Variants in THADA observed in about 807,000 individuals in gnomAD.
THADA encodes tRNA (32-2'-O)-methyltransferase regulator THADA.
THADA carries 213 observed loss-of-function variants against 219.8 expected under a neutral mutation model. That is an observed-to-expected ratio of 0.97 (90% CI 0.87 to 1.09). THADA has a LOEUF of 1.09. Among genes scored for constraint, THADA ranks in the 50% least tolerant of loss-of-function variants. The pLI is 0.00. For synonymous variants in THADA, 1,018 were observed against 828.9 expected, an observed-to-expected ratio of 1.23 and a Z score of -3.92; for missense variants, 2,956 against 2,311.3, an observed-to-expected ratio of 1.28 and a Z score of -5.72.
At chr2:43,378,332 A>T (rs1671620392) in intron 29 of THADA, among the ~76,000 whole-genome samples, 1 of 152,210 alleles carries the variant, frequency 6.6e-6, no homozygotes, top group Non-Finnish European at 1.5e-5. Flanking sequence ...TAAAAATTGG[A>T]CAGAACTGTG....
At chr2:43,296,416 C>G (rs1397342436) in intron 31 of THADA, among the ~76,000 whole-genome samples, 1 of 152,122 alleles carries the variant, frequency 6.6e-6, no homozygotes, top group Non-Finnish European at 1.5e-5. Context: ...GCTGGAAATA[C>G]AGGCACACGC....
intron 34 of THADA, among the ~76,000 whole-genome samples, chr2:43,288,206 G>A (rs1266036325): frequency 6.6e-6 from 1 of 152,234 alleles, no homozygotes; most frequent in African/African-American, 2.4e-5. Flanking sequence ...ATCACCTGAG[G>A]TCAGGCGTTC....
intron 30 of THADA, among the ~76,000 whole-genome samples, chr2:43,335,121 A>C (rs1390080518): frequency 6.6e-6 from 1 of 152,116 alleles, no homozygotes; most frequent in Non-Finnish European, 1.5e-5. Flanking sequence ...AAAATGGAGG[A>C]TCTCAGGCTC....
chr2:43,488,135 A>G (rs950027852), intron 25 of THADA, among the ~76,000 whole-genome samples: 1 of 152,200 alleles, frequency 6.6e-6, no homozygotes, highest in Non-Finnish European at 1.5e-5. Context: ...ACCAACCTCC[A>G]AAGGTGACTG....
chr2:43,487,556 A>G (rs777483809), intron 25 of THADA, among the ~76,000 whole-genome samples: 2 of 152,226 alleles, frequency 1.3e-5, no homozygotes. Context: ...TATCTGCCTG[A>G]TCCATCCTGA....
At chr2:43,502,259 T>G (rs1689084126) in intron 24 of THADA, among the ~76,000 whole-genome samples, 1 of 152,160 alleles carries the variant, frequency 6.6e-6, no homozygotes. Flanking sequence ...TTATGACAAG[T>G]AAAACTTGAA....
intron 25 of THADA, among the ~76,000 whole-genome samples, chr2:43,488,930 T>G (rs769964530): frequency 6.6e-6 from 1 of 152,190 alleles, no homozygotes. Flanking sequence ...GTGTTAAGTA[T>G]CCTTTTGTGT....
chr2:43,402,836 T>C (rs575830738), intron 28 of THADA, among the ~76,000 whole-genome samples: 14 of 152,310 alleles, frequency 9.2e-5, no homozygotes, highest in African/African-American at 3.4e-4. Flanking sequence ...TAGGTGATCA[T>C]GCCCAGCTCT....
chr2:43,458,447 A>C (rs904102943), intron 26 of THADA, among the ~76,000 whole-genome samples: 1 of 152,210 alleles, frequency 6.6e-6, no homozygotes, highest in Non-Finnish European at 1.5e-5. Context: ...CTCATCTATT[A>C]AATGGGGATA....
intron 31 of THADA, among the ~76,000 whole-genome samples, chr2:43,295,335 T>C (rs1050324545): frequency 1.3e-5 from 2 of 152,262 alleles, no homozygotes; most frequent in African/African-American, 4.8e-5. Flanking sequence ...GCAGGCTCCC[T>C]GCTGGCCCTT....
intron 30 of THADA, among the ~76,000 whole-genome samples, chr2:43,330,753 A>G (rs1472058373): frequency 1.3e-5 from 2 of 152,246 alleles, no homozygotes; most frequent in South Asian, 2.1e-4. Context: ...AGCCCTATCC[A>G]TGGAAGGCAG....
intron 36 of THADA, among the ~76,000 whole-genome samples, chr2:43,257,478 G>A (rs1670461417): frequency 6.6e-6 from 1 of 152,228 alleles, no homozygotes; most frequent in Non-Finnish European, 1.5e-5. Context: ...CAGCACAGGA[G>A]GCTTCCGAGT....
Position 43,344,215 on chromosome 2 carries a change from T to G in THADA, c.4250A>C (p.Tyr1417Ser), listed in dbSNP as rs1432402515. ...ATTCGTTCCGTGTTTGGAGTCTGAG[T>G]AGGCTTGCAACAAATGAAAAACCTA... Reference protein sequence around the residue: ...LLQVFHLLQAYSDSKHGTNSD... With the variant: ...LLQVFHLLQASSDSKHGTNSD... The change falls in exon 30 of 38, where the codon TAC becomes TCC. Residue 1417 changes from tyrosine (Y) to serine (S), a missense_variant. By Grantham distance (144) the Tyr-to-Ser change is moderately radical (BLOSUM62 -2). Coordinates refer to ENST00000405975, the MANE Select transcript of THADA (RefSeq NM_022065.5). 6.2e-7 allele frequency: 1 copy of G among 1,610,558 alleles called. No homozygotes were observed. The highest frequency in any genetic ancestry group is 8.5e-7 in the Non-Finnish European group (1 of 1,178,676).
At chr2:43,487,976 T>C (rs1687118456) in intron 25 of THADA, among the ~76,000 whole-genome samples, 2 of 152,340 alleles carry the variant, frequency 1.3e-5, no homozygotes, top group South Asian at 2.1e-4. Context: ...CGATATTCTA[T>C]AGGCCTTCTG....
rs57697839 is a variant in THADA at position 43,308,758 on chromosome 2, C to CAAAAAAAAAAAAAA, written c.4438+11674_4438+11687dup. Reference sequence around the variant, plus strand: ...GTGCTGAAACATTGGATACCCATACCAAAAAAAAAAAAAAAAAAAAAAAAA... The same window carrying CAAAAAAAAAAAAAA: ...GTGCTGAAACATTGGATACCCATACCAAAAAAAAAAAAAAAAAAAAAAAAAAAAAAAAAAAAAAA... On this transcript the variant is annotated intron_variant, in intron 31 of 37. Coordinates refer to ENST00000405975, the MANE Select transcript of THADA (RefSeq NM_022065.5). Among the ~76,000 whole-genome samples the CAAAAAAAAAAAAAA allele has an allele frequency of 3.9e-5, 2 of 50,866 alleles. 1 individual carries two copies. The highest frequency in any genetic ancestry group is 6.1e-5 in the Non-Finnish European group (2 of 33,012). The allele number at this position is 50,866 out of a possible 152,430, so 33.4% of individuals were successfully genotyped here.
At chr2:43,539,862 C>T (rs1006079742) in intron 21 of THADA, among the ~76,000 whole-genome samples, 2 of 151,730 alleles carry the variant, frequency 1.3e-5, no homozygotes, top group African/African-American at 2.4e-5. Context: ...ACACGGCTGT[C>T]GCACACAAAT....
intron 28 of THADA, among the ~76,000 whole-genome samples, 158 bp downstream of exon 28, chr2:43,427,942 C>T (rs1289284671): frequency 2.0e-5 from 3 of 148,628 alleles, no homozygotes; most frequent in South Asian, 2.1e-4. Context: ...GGCGACAGAG[C>T]GAGACTCCGT....
chr2:43,354,005 G>A (rs1232437405), intron 29 of THADA, among the ~76,000 whole-genome samples: 1 of 152,058 alleles, frequency 6.6e-6, no homozygotes, highest in East Asian at 1.9e-4. Context: ...TTTTAGTAGA[G>A]ATGGGGTTTC....
At chr2:43,326,050 C>T (rs528635331) in intron 30 of THADA, among the ~76,000 whole-genome samples, 9 of 151,818 alleles carry the variant, frequency 5.9e-5, no homozygotes, top group Admixed American at 3.3e-4. Flanking sequence ...TTATATCTTA[C>T]GCAGCTACTA....
Sources: gnomAD v4.1 joint callset for allele counts (sites outside exome capture counted in the v4.1 genomes callset) on GRCh38, gnomAD v4.1.1 for gene constraint, MANE v1.5 for transcripts, NCBI Gene and HGNC (gene_info 2026-07-23, HGNC 2026-07-21) for gene names.